The following ZNHIT6 variants were observed in gnomAD, a reference collection of about 807,000 sequenced individuals.
The protein encoded by ZNHIT6 is box C/D snoRNA protein 1.
A neutral mutation model predicts 57.2 loss-of-function variants in ZNHIT6; 45 were observed. The observed-to-expected ratio is 0.79, with a 90% CI of 0.62 to 1.01. The LOEUF (loss-of-function observed/expected upper bound fraction) is 1.01. ZNHIT6 is among the 50% of genes least tolerant of loss of function. The pLI, the probability that ZNHIT6 is intolerant of heterozygous loss-of-function variation, is 0.00. For synonymous variants in ZNHIT6, 188 were observed against 190.0 expected, an observed-to-expected ratio of 0.99 and a Z score of 0.09; for missense variants, 528 against 567.3, an observed-to-expected ratio of 0.93 and a Z score of 0.70.
chr1:85,652,798 A>T lies in ZNHIT6; in HGVS notation c.*1260T>A, dbSNP rs1660949085. The stretch of plus-strand genomic sequence containing the variant: ...ATTGCTTTTTAACCATTAAGTACAC[A>T]CATACAATATAGATGTAACAATCTT... On this transcript the variant is annotated 3_prime_UTR_variant, in exon 10 of 10. Transcript: ENST00000370574. The T allele has an allele frequency of 6.6e-6, 1 of 152,230 alleles. No homozygotes were observed. The highest frequency in any genetic ancestry group is 1.5e-5 in the Non-Finnish European group (1 of 68,044). The allele number at this position is 152,230 out of a possible 1,614,324, so 9.4% of individuals were successfully genotyped here. A position where few individuals can be genotyped will look rare whatever the true frequency, so the allele number is the denominator to read the frequency against.
chr1:85,680,884 T>A lies in ZNHIT6; in HGVS notation c.1040A>T (p.His347Leu). Reference protein sequence around the residue: ...FDKKKQQFCWHVKLQFPQSQA... With the variant: ...FDKKKQQFCWLVKLQFPQSQA... Reference sequence around the variant, plus strand: ...ACTTTGAGGAAACTGGAGCTTCACATGCCAACAAAACTGTTGTTTTCTAAG... The same window carrying A: ...ACTTTGAGGAAACTGGAGCTTCACAAGCCAACAAAACTGTTGTTTTCTAAG... The change falls in exon 6 of 10, where the codon CAT becomes CTT. Residue 347 changes from histidine (H) to leucine (L), a missense_variant. Transcript: ENST00000370574. 1.2e-6 allele frequency: 2 copies of A among 1,612,800 alleles called. No individual in the cohort carries two copies. The highest frequency in any genetic ancestry group is 1.7e-6 in the Non-Finnish European group (2 of 1,179,418).
In ZNHIT6 at chr1:85,706,098, T is replaced by A; in HGVS notation, c.895A>T (p.Arg299Ter). Residue 299 changes from arginine to a stop codon, truncating the protein, a stop_gained, in exon 4 of 10, where the codon AGA becomes TGA. Transcript: ENST00000370574. LOFTEE classifies it high-confidence loss of function. Reference sequence around the variant, plus strand: ...CTTACATATTTATTGCTTATTGGTCTCTTCAAAAAAGCATCTCTAGAAATA... The same window carrying A: ...CTTACATATTTATTGCTTATTGGTCACTTCAAAAAAGCATCTCTAGAAATA... ...DHISRDAFLK[R>*]PISNKYMYFM... 6.2e-7 allele frequency: 1 copy of A among 1,613,354 alleles called. No individual in the cohort carries two copies. Among genetic ancestry groups the A allele is most frequent in the Non-Finnish European group, 8.5e-7 (1 of 1,179,682 alleles).
intron 5 of ZNHIT6, among the ~76,000 whole-genome samples, chr1:85,694,552 C>G (rs1176702636): frequency 6.6e-6 from 1 of 151,964 alleles, no homozygotes; most frequent in Non-Finnish European, 1.5e-5. Context: ...AGCTCCGCCT[C>G]CCAGGTTCAC....
intron 9 of ZNHIT6, among the ~76,000 whole-genome samples, chr1:85,656,178 C>G (rs1318882764): frequency 1.3e-5 from 2 of 152,090 alleles, no homozygotes; most frequent in Non-Finnish European, 2.9e-5. Flanking sequence ...GAAAGAAATG[C>G]ATGTACAGGA....
chr1:85,687,285 AAAC>A (rs1405917789), intron 5 of ZNHIT6, among the ~76,000 whole-genome samples: 1 of 128,964 alleles, frequency 7.8e-6, no homozygotes, highest in African/African-American at 2.8e-5. Context: ...CTATCTCAAA[AAAC>A]AAAAAAAAAA....
intron 5 of ZNHIT6, among the ~76,000 whole-genome samples, chr1:85,685,441 T>C (rs1662001313): frequency 6.6e-6 from 1 of 152,194 alleles, no homozygotes; most frequent in African/African-American, 2.4e-5. Flanking sequence ...GGTTTATACA[T>C]ATATTGGCAA....
intron 8 of ZNHIT6, among the ~76,000 whole-genome samples, chr1:85,673,858 T>C (rs1438049025): frequency 6.6e-6 from 1 of 152,180 alleles, no homozygotes; most frequent in African/African-American, 2.4e-5. Context: ...GTTTTAAAAA[T>C]CTGATAAAAA....
At chr1:85,677,066 A>G (rs1406948712) in intron 8 of ZNHIT6, among the ~76,000 whole-genome samples, 170 bp downstream of exon 8, 1 of 152,194 alleles carries the variant, frequency 6.6e-6, no homozygotes, top group African/African-American at 2.4e-5. Flanking sequence ...TGATTTTTCA[A>G]CCCAATTTAT....
chr1:85,708,141 C>T lies in ZNHIT6; in HGVS notation c.144G>A (p.Gly48=). 6.2e-7 allele frequency: 1 copy of T among 1,614,132 alleles called. No homozygotes were observed. The highest frequency in any genetic ancestry group is 1.1e-5 in the South Asian group (1 of 91,088). The change falls in exon 1 of 10, where the codon GGG becomes GGA. Residue 48 remains glycine, a synonymous_variant. Transcript: ENST00000370574. The part of the protein sequence containing the change: ...GAEEFGGGEE[G]TGLTGIKEIG... ...TCTCCTTTATCCCTGTCAGCCCTGT[C>T]CCCTCCTCTCCGCCGCCGAACTCCT...
chr1:85,666,783 CCTTT>C (rs1661383071), intron 8 of ZNHIT6, among the ~76,000 whole-genome samples: 1 of 152,106 alleles, frequency 6.6e-6, no homozygotes, highest in African/African-American at 2.4e-5. Flanking sequence ...TGACATATTC[CCTTT>C]CTGTGTGTGG....
At chr1:85,655,232 T>C (rs1214851255) in intron 9 of ZNHIT6, among the ~76,000 whole-genome samples, 1 of 152,176 alleles carries the variant, frequency 6.6e-6, no homozygotes, top group African/African-American at 2.4e-5. Context: ...TAGCATCTAT[T>C]GTATAATAAG....
rs754225418 is a variant in ZNHIT6 at position 85,706,051 on chromosome 1, C to T, written c.915+27G>A. Reference sequence around the variant, plus strand: ...TCTAATTGATTTGAAGGACTTCTAACTGGAAGAAATTAGGAAAAAATCTTA... The same window carrying T: ...TCTAATTGATTTGAAGGACTTCTAATTGGAAGAAATTAGGAAAAAATCTTA... On this transcript the variant is annotated intron_variant, in intron 4 of 9. Transcript: ENST00000370574. The T allele has an allele frequency of 9.1e-6, 14 of 1,537,220 alleles. No individual in the cohort carries two copies. The South Asian group carries it at 1.6e-4, about 17-fold the overall frequency.
At chr1:85,663,380 T>C (rs1387155233) in intron 8 of ZNHIT6, among the ~76,000 whole-genome samples, 2 of 152,236 alleles carry the variant, frequency 1.3e-5, no homozygotes, top group East Asian at 1.9e-4. Context: ...AAACTTAGTT[T>C]CTTTGGGTAA....
rs1557823952 is a variant in ZNHIT6 at position 85,650,427 on chromosome 1, T to C, written c.*3631A>G. ...GACGTTTGGACCCAGGACCCAGTCA[T>C]TGCCTGGACTTCCCTGTATATAAGC... On this transcript the variant is annotated 3_prime_UTR_variant, in exon 10 of 10. Transcript: ENST00000370574. 1 of 152,190 alleles carries C rather than the reference T, an allele frequency of 6.6e-6. No homozygotes were observed. The highest frequency in any genetic ancestry group is 1.5e-5 in the Non-Finnish European group (1 of 68,030). 9.4% of individuals were successfully genotyped at this position (152,190 alleles called of 1,614,324 possible).
In ZNHIT6 at chr1:85,653,572, C is replaced by T. The variant is rs1660972314; in HGVS notation, c.*486G>A. 1.3e-5 allele frequency: 2 copies of T among 152,050 alleles called. No individual in the cohort carries two copies. Among genetic ancestry groups the T allele is most frequent in the Non-Finnish European group, 2.9e-5 (2 of 68,150 alleles). 9.4% of individuals were successfully genotyped at this position (152,050 alleles called of 1,614,324 possible). On this transcript the variant is annotated 3_prime_UTR_variant, in exon 10 of 10. Coordinates refer to ENST00000370574, the MANE Select transcript of ZNHIT6 (RefSeq NM_017953.4). The stretch of plus-strand genomic sequence containing the variant: ...CTTGAGGCCACAAATTTGAGACCAG[C>T]CTGGGCGAAAGAGCGCAACCCTGTC...
intron 8 of ZNHIT6, among the ~76,000 whole-genome samples, chr1:85,662,178 C>A (rs1661244404): frequency 6.7e-6 from 1 of 148,744 alleles, no homozygotes. Context: ...AAAACCTCCT[C>A]ATAACCACAA....
intron 6 of ZNHIT6, among the ~76,000 whole-genome samples, chr1:85,679,557 T>C (rs1027454755): frequency 1.2e-4 from 14 of 119,396 alleles, no homozygotes; most frequent in African/African-American, 4.2e-4. Flanking sequence ...TCACAAACAT[T>C]AAAATGTTTT....
intron 8 of ZNHIT6, among the ~76,000 whole-genome samples, chr1:85,669,936 T>C (rs1354601076): frequency 2.0e-5 from 3 of 152,106 alleles, no homozygotes; most frequent in Admixed American, 1.3e-4. Context: ...ATTAACTGAA[T>C]AAATGAAAAA....
intron 8 of ZNHIT6, among the ~76,000 whole-genome samples, chr1:85,674,304 T>G (rs1055147181): frequency 1.3e-5 from 2 of 152,182 alleles, no homozygotes; most frequent in Admixed American, 1.3e-4. Context: ...GTTTATCTTT[T>G]TCTTTTTTTT....
Sources: gnomAD v4.1 joint callset for allele counts (sites outside exome capture counted in the v4.1 genomes callset) on GRCh38, gnomAD v4.1.1 for gene constraint, MANE v1.5 for transcripts, NCBI Gene and HGNC (gene_info 2026-07-23, HGNC 2026-07-21) for gene names.